The following ATAD2 variants were observed in gnomAD, a reference collection of about 807,000 sequenced individuals.
ATAD2 encodes the protein ATPase family AAA domain-containing protein 2.
In ATAD2, 62 loss-of-function variants were observed where a neutral mutation model predicts 168.9. The ratio of observed to expected loss-of-function variants is 0.37; its 90% CI spans 0.30 to 0.45. The LOEUF (loss-of-function observed/expected upper bound fraction) is 0.45. ATAD2 is among the 20% of genes least tolerant of loss of function. The pLI is 1.00. For missense variants in ATAD2, 1,419 were observed against 1,667.8 expected (o/e 0.85, Z 2.60); for synonymous variants, 613 against 571.6 (o/e 1.07, Z -1.03).
At chr8:123,334,623 C>T (rs1293434306) in intron 22 of ATAD2, among the ~76,000 whole-genome samples, 3 of 150,506 alleles carry the variant, frequency 2.0e-5, no homozygotes, top group South Asian at 2.1e-4. Flanking sequence ...AACATGATAA[C>T]GAAAAATAAA....
At chr8:123,357,419 T>C (rs1156678432) in intron 12 of ATAD2, 143 bp downstream of exon 12, 1 of 820,362 alleles carries the variant, frequency 1.2e-6, no homozygotes, top group Non-Finnish European at 1.7e-6. Context: ...TCTCGACATA[T>C]AAAAGAAAAT....
Position 123,326,506 on chromosome 8 carries a change from T to TAA in ATAD2, c.3869-482_3869-481dup, listed in dbSNP as rs908802498. ...GCAACATGGGAAAACCCCATCTCTT[T>TAA]AAAAAAAAAAAAGAAAAAAAAATTA... On this transcript the variant is annotated intron_variant, in intron 25 of 27. Coordinates refer to ENST00000287394, the MANE Select transcript of ATAD2 (RefSeq NM_014109.4). Among the ~76,000 whole-genome samples the TAA allele has an allele frequency of 3.6e-5, 5 of 140,674 alleles. No individual in the cohort carries two copies. In the East Asian group the frequency reaches 6.1e-4, roughly 17 times the overall value. The allele number at this position is 140,674 out of a possible 152,430, so 92.3% of individuals were successfully genotyped here. A position where few individuals can be genotyped will look rare whatever the true frequency, so the allele number is the denominator to read the frequency against.
chr8:123,376,577 A>G (rs1254647651), intron 2 of ATAD2, among the ~76,000 whole-genome samples: 1 of 152,106 alleles, frequency 6.6e-6, no homozygotes, highest in African/African-American at 2.4e-5. Flanking sequence ...ACACACACAC[A>G]CACACTAAAA....
intron 1 of ATAD2, among the ~76,000 whole-genome samples, chr8:123,392,977 G>A (rs1459291857): frequency 6.6e-6 from 1 of 152,124 alleles, no homozygotes; most frequent in Non-Finnish European, 1.5e-5. Context: ...GAAGTCAGGA[G>A]ATCGAGACCA....
intron 13 of ATAD2, among the ~76,000 whole-genome samples, chr8:123,349,798 G>GAA (rs1828388826): frequency 6.6e-6 from 1 of 151,810 alleles, no homozygotes; most frequent in African/African-American, 2.4e-5. Context: ...CAGAACTTGG[G>GAA]GGCTGAGGTG....
At chr8:123,336,100 T>C (rs1827906073) in intron 22 of ATAD2, among the ~76,000 whole-genome samples, 1 of 152,158 alleles carries the variant, frequency 6.6e-6, no homozygotes, top group Non-Finnish European at 1.5e-5. Context: ...TGTGTCTCAT[T>C]AGAGGATCTA....
chr8:123,323,894 T>C (rs1332210761), intron 26 of ATAD2, among the ~76,000 whole-genome samples: 1 of 152,134 alleles, frequency 6.6e-6, no homozygotes, highest in Non-Finnish European at 1.5e-5. Context: ...AAAAGTAAAT[T>C]GAAATAGTCT....
intron 19 of ATAD2, among the ~76,000 whole-genome samples, 153 bp from the exon 20 acceptor site, chr8:123,339,599 A>G (rs1828010940): frequency 1.3e-5 from 2 of 152,220 alleles, no homozygotes; most frequent in African/African-American, 4.8e-5. Context: ...ATGTCCAAAT[A>G]AACCCATCAT....
intron 8 of ATAD2, among the ~76,000 whole-genome samples, chr8:123,363,454 A>G (rs981657154): frequency 3.9e-5 from 6 of 152,210 alleles, no homozygotes; most frequent in South Asian, 2.1e-4. Context: ...ATTCTGAAAC[A>G]CAAATGGTTT....
At chr8:123,401,329 T>A, upstream of ATAD2, 1 of 1,376,610 alleles carries the variant, frequency 7.3e-7, no homozygotes, top group Non-Finnish European at 1.0e-6. Flanking sequence ...TGTGGGCACC[T>A]GTGAGGATGA....
At chr8:123,328,695 A>G in intron 24 of ATAD2, 116 bp from the exon 25 acceptor site, 1 of 1,069,048 alleles carries the variant, frequency 9.4e-7, no homozygotes. Context: ...AGTATTTTGT[A>G]TGATTAAAAT....
chr8:123,338,096 C>T (rs918609823), intron 20 of ATAD2, among the ~76,000 whole-genome samples: 13 of 152,198 alleles, frequency 8.5e-5, no homozygotes, highest in African/African-American at 3.1e-4. Context: ...GTGGCTCACA[C>T]CTGTAATCCC....
rs910303374 is a variant in ATAD2, at chr8:123,345,019, A to G, written c.2583T>C (p.His861=). Residue 861 remains histidine (H), a synonymous_variant, in exon 19 of 28, where the codon CAT becomes CAC. Transcript: ENST00000287394. ...RTAPSIVYVP[H]IHVWWEIVGP... ...CAACTATTTCCCACCACACGTGGATATGAGGAACATACACTATACTTGGTG... is the reference window on the plus strand; with the variant it reads ...CAACTATTTCCCACCACACGTGGATGTGAGGAACATACACTATACTTGGTG... The G allele has an allele frequency of 1.2e-6, 2 of 1,614,008 alleles. No homozygotes were observed. The highest frequency in any genetic ancestry group is 2.2e-5 in the East Asian group (1 of 44,884).
chr8:123,412,121 C>T (rs1813167597), intron 1 of ATAD2, among the ~76,000 whole-genome samples: 1 of 152,200 alleles, frequency 6.6e-6, no homozygotes, highest in Middle Eastern at 3.2e-3. Context: ...AAGCCATCTT[C>T]AGCCACGCGA....
upstream of ATAD2, chr8:123,401,332 G>A (rs1303084111): frequency 1.4e-6 from 2 of 1,386,614 alleles, no homozygotes; most frequent in South Asian, 2.4e-5. Context: ...GGGCACCTGT[G>A]AGGATGACAA....
chr8:123,396,446 C>A lies in ATAD2; in HGVS notation c.-89G>T. 1 of 1,354,232 alleles carries A rather than the reference C, an allele frequency of 7.4e-7. No individual in the cohort carries two copies. The highest frequency in any genetic ancestry group is 9.7e-7 in the Non-Finnish European group (1 of 1,034,052). The allele number at this position is 1,354,232 out of a possible 1,614,324, so 83.9% of individuals were successfully genotyped here. On this transcript the variant is annotated 5_prime_UTR_variant, in exon 1 of 28. Coordinates refer to ENST00000287394, the MANE Select transcript of ATAD2 (RefSeq NM_014109.4). ...CTCTGGCTCTTCCGCGCTCCGAATTCTGGCGCCACAAGCTCCGCGCCAGCG... is the reference window on the plus strand; with the variant it reads ...CTCTGGCTCTTCCGCGCTCCGAATTATGGCGCCACAAGCTCCGCGCCAGCG...
chr8:123,337,479 G>C, intron 21 of ATAD2, 146 bp downstream of exon 21: 2 of 648,710 alleles, frequency 3.1e-6, no homozygotes, highest in Non-Finnish European at 4.6e-6. Flanking sequence ...AAGTCTACAT[G>C]TGCTTAGGAC....
chr8:123,392,475 G>C (rs920344121), intron 1 of ATAD2, among the ~76,000 whole-genome samples: 2 of 151,970 alleles, frequency 1.3e-5, no homozygotes, highest in African/African-American at 4.8e-5. Context: ...ATTTATTTAA[G>C]TCTCTGTGCA....
chr8:123,359,647 C>T lies in ATAD2; in HGVS notation c.1196G>A (p.Gly399Asp), dbSNP rs1276867132. 1.2e-6 allele frequency: 2 copies of T among 1,612,638 alleles called. No homozygotes were observed. Among genetic ancestry groups the T allele is most frequent in the African/African-American group, 1.3e-5 (1 of 74,792 alleles). The change falls in exon 10 of 28, where the codon GGC becomes GAC. Residue 399 changes from glycine (G) to aspartate (D), a missense_variant. Physicochemically the swap from Gly to Asp is moderately conservative, Grantham distance 94. Transcript: ENST00000287394. ...PLNFRKDELK[G>D]IYKDRMKIGA... is the part of the protein sequence containing the mutation. ...AATTTTCATTCGATCTTTATAAATG[C>T]CTTTTAATTCATCTTTCCGAAAATT...
Sources: allele counts gnomAD v4.1 joint callset (sites outside exome capture counted in the v4.1 genomes callset), GRCh38; gene constraint gnomAD v4.1.1; transcripts MANE v1.5; gene names NCBI Gene and HGNC (gene_info 2026-07-23, HGNC 2026-07-21).